TMEM223: variants seen among roughly 807,000 people sequenced by gnomAD.
The protein encoded by TMEM223 is transmembrane protein 223.
Under a neutral mutation model 14.1 loss-of-function variants are expected in TMEM223, and 14 were observed. That is an observed-to-expected ratio of 0.99 (90% CI 0.66 to 1.55). TMEM223 has a LOEUF of 1.55. TMEM223 is among the 40% of genes most tolerant of loss of function. The pLI is 0.00. For missense variants in TMEM223, 346 were observed against 269.9 expected, an observed-to-expected ratio of 1.28 and a Z score of -1.97; for synonymous variants, 145 against 120.5, an observed-to-expected ratio of 1.20 and a Z score of -1.33.
chr11:62,781,552 T>C (rs2084229710), intron 1 of TMEM223, among the ~76,000 whole-genome samples: 2 of 151,324 alleles, frequency 1.3e-5, no homozygotes, highest in Non-Finnish European at 1.5e-5. Context: ...CAGGCGCCTG[T>C]AGTCCCAGCT....
chr11:62,791,645 CGTT>C lies in TMEM223; in HGVS notation c.316+31_316+33del, dbSNP rs769634203. 3 of 1,494,012 alleles carry C rather than the reference CGTT, an allele frequency of 2.0e-6. No homozygotes were observed. In the African/African-American group the frequency reaches 4.2e-5, roughly 21 times the overall value. 92.5% of individuals were successfully genotyped at this position (1,494,012 alleles called of 1,614,324 possible). ...GGGAAGGTCGTGTCCCGCCACCCCACGTTGTCACAGTGGGAAGCCAGCCCACGT... is the reference window on the plus strand; with the variant it reads ...GGGAAGGTCGTGTCCCGCCACCCCACGTCACAGTGGGAAGCCAGCCCACGT... On this transcript the variant is annotated intron_variant, in intron 1 of 1. Coordinates refer to ENST00000307366, the MANE Select transcript of TMEM223 (RefSeq NM_001080501.3).
chr11:62,791,608 C>T, intron 1 of TMEM223, 71 bp downstream of exon 1: 1 of 1,435,836 alleles, frequency 7.0e-7, no homozygotes, highest in Non-Finnish European at 9.2e-7. Context: ...CCTGACTCTC[C>T]CTGCCTGTAT....
At chr11:62,783,325 A>G (rs2084244268), downstream of TMEM223, among the ~76,000 whole-genome samples, 1 of 152,086 alleles carries the variant, frequency 6.6e-6, no homozygotes, top group African/African-American at 2.4e-5. Context: ...TACTAAAAAT[A>G]CAAACAATTA....
downstream of TMEM223, chr11:62,786,697 G>T (rs1284341358): frequency 6.2e-7 from 1 of 1,612,026 alleles, no homozygotes; most frequent in African/African-American, 1.3e-5. Context: ...GCTGCCGCCA[G>T]GGGGCGCGGG....
At chr11:62,775,978 CT>C in intron 1 of TMEM223, 2 of 1,562,578 alleles carry the variant, frequency 1.3e-6, no homozygotes, top group Non-Finnish European at 1.7e-6. Flanking sequence ...TTGTTTCTGC[CT>C]TTTTACTAAC....
intron 1 of TMEM223, chr11:62,777,912 A>C (rs2084198836): frequency 6.3e-7 from 1 of 1,575,484 alleles, no homozygotes; most frequent in African/African-American, 1.3e-5. Context: ...GTGGAGCCTC[A>C]TCCTGGATCC....
downstream of TMEM223, chr11:62,787,370 C>T (rs1166268638): frequency 3.2e-6 from 5 of 1,540,258 alleles, no homozygotes; most frequent in Non-Finnish European, 4.3e-6. Flanking sequence ...TGGGTCGCGC[C>T]GGATAAGGTG....
At chr11:62,778,080 G>T (rs942153665) in intron 1 of TMEM223, 3 of 1,614,180 alleles carry the variant, frequency 1.9e-6, no homozygotes, top group Non-Finnish European at 2.5e-6. Flanking sequence ...GGTGGAGCTG[G>T]CCCTGGCTAC....
intron 1 of TMEM223, 62 bp downstream of exon 1, chr11:62,791,617 A>T (rs912079922): frequency 2.1e-6 from 3 of 1,457,610 alleles, no homozygotes; most frequent in African/African-American, 2.8e-5. Flanking sequence ...CCCTGCCTGT[A>T]TAGGGAAGGT....
At chr11:62,773,987 A>G (rs1480539544) in intron 2 of TMEM223, among the ~76,000 whole-genome samples, 1 of 152,210 alleles carries the variant, frequency 6.6e-6, no homozygotes, top group Non-Finnish European at 1.5e-5. Flanking sequence ...GGAATACAGA[A>G]CACAAGAAAG....
In TMEM223 at chr11:62,782,084, C is replaced by CCCTCAAGAGGGTCA. The variant is rs749587120; in HGVS notation, c.315-7420_315-7419insTGACCCTCTTGAGG. Reference sequence around the variant, plus strand: ...TGGGCTCCTGCCTGTCCCCTCATGTCCCTGTAAGCTACCCTCTTCTCCCAA... The same window carrying CCCTCAAGAGGGTCA: ...TGGGCTCCTGCCTGTCCCCTCATGTCCCTCAAGAGGGTCACCTGTAAGCTACCCTCTTCTCCCAA... On this transcript the variant is annotated intron_variant, in intron 1 of 2. Transcript: ENST00000528367. The CCCTCAAGAGGGTCA allele has an allele frequency of 2.5e-6, 4 of 1,591,236 alleles. No homozygotes were observed. The East Asian group carries it at 6.7e-5, about 27-fold the overall frequency.
chr11:62,782,211 C>T (rs781261527), intron 1 of TMEM223: 6 of 1,614,100 alleles, frequency 3.7e-6, no homozygotes, highest in Non-Finnish European at 5.1e-6. Context: ...GGCCCTATGT[C>T]CGCTGTCTGG....
Position 62,790,208 on chromosome 11 carries a change from G to GT in TMEM223, c.*414dup. The GT allele has an allele frequency of 2.6e-6, 2 of 770,032 alleles. No individual in the cohort carries two copies. The highest frequency in any genetic ancestry group is 5.6e-5 in the East Asian group (2 of 35,606). The allele number at this position is 770,032 out of a possible 1,614,324, so 47.7% of individuals were successfully genotyped here. On this transcript the variant is annotated 3_prime_UTR_variant, in exon 2 of 2. Coordinates refer to ENST00000307366, the MANE Select transcript of TMEM223 (RefSeq NM_001080501.3). ...CCCCCCTCCACCTCTTCCTGCAGCTGTTTTTGTACCAAAATATTATATTAC... is the reference window on the plus strand; with the variant it reads ...CCCCCCTCCACCTCTTCCTGCAGCTGTTTTTTGTACCAAAATATTATATTAC...
intron 1 of TMEM223, among the ~76,000 whole-genome samples, chr11:62,779,952 C>CTACA (rs1554996873): frequency 1.0e-5 from 1 of 100,056 alleles, no homozygotes. Context: ...AGGCGTGAGC[C>CTACA]TATATATATA....
downstream of TMEM223, chr11:62,787,442 C>A (rs778212425): frequency 4.5e-6 from 7 of 1,568,672 alleles, no homozygotes; most frequent in Middle Eastern, 1.7e-4. Context: ...ATGGCGCTGT[C>A]CTGGCTGCAG....
downstream of TMEM223, among the ~76,000 whole-genome samples, chr11:62,788,831 C>T (rs2084322903): frequency 6.6e-6 from 1 of 152,216 alleles, no homozygotes; most frequent in African/African-American, 2.4e-5. Context: ...TCTGATCCTT[C>T]TGGCCACTGC....
At chr11:62,783,899 T>C (rs1174369728), downstream of TMEM223, among the ~76,000 whole-genome samples, 3 of 150,824 alleles carry the variant, frequency 2.0e-5, no homozygotes, top group African/African-American at 7.3e-5. Flanking sequence ...GGATTCTTCT[T>C]CTGAACCACT....
downstream of TMEM223, among the ~76,000 whole-genome samples, chr11:62,783,908 C>T (rs1400232165): frequency 6.6e-6 from 1 of 150,416 alleles, no homozygotes; most frequent in African/African-American, 2.4e-5. Flanking sequence ...TTCTGAACCA[C>T]TTTTGTATAC....
At chr11:62,786,640 T>C, downstream of TMEM223, 1 of 1,602,280 alleles carries the variant, frequency 6.2e-7, no homozygotes, top group Non-Finnish European at 8.5e-7. Context: ...CTTTCAAGAG[T>C]CGTCCTCCGG....
Sources: gnomAD v4.1 joint callset for allele counts (sites outside exome capture counted in the v4.1 genomes callset) on GRCh38, gnomAD v4.1.1 for gene constraint, MANE v1.5 for transcripts, NCBI Gene and HGNC (gene_info 2026-07-23, HGNC 2026-07-21) for gene names.